Variants in TMED2 observed in about 807,000 individuals in gnomAD.
TMED2 encodes transmembrane emp24 domain-containing protein 2.
TMED2 carries 3 observed loss-of-function variants against 17.5 expected under a neutral mutation model. The ratio of observed to expected loss-of-function variants is 0.17; its 90% confidence interval spans 0.08 to 0.44. The LOEUF is 0.44. Among genes scored for constraint, TMED2 ranks in the 20% least tolerant of loss-of-function variants. The pLI, the probability that TMED2 is intolerant of heterozygous loss-of-function variation, is 0.99. For synonymous variants in TMED2, 95 were observed against 91.0 expected (o/e 1.04, Z -0.25); for missense variants, 149 against 254.8 (o/e 0.58, Z 2.83).
chr12:123,593,281 C>T (rs925497564), intron 3 of TMED2, among the ~76,000 whole-genome samples: 2 of 151,478 alleles, frequency 1.3e-5, no homozygotes, highest in African/African-American at 4.9e-5. Flanking sequence ...TAGACGGAGT[C>T]TTGCTCTGTT....
At chr12:123,591,779 T>TG (rs1953394479) in intron 3 of TMED2, among the ~76,000 whole-genome samples, 2 of 150,944 alleles carry the variant, frequency 1.3e-5, no homozygotes, top group South Asian at 4.2e-4. Flanking sequence ...AGACTCTGTC[T>TG]GAAAAAAAAA....
intron 3 of TMED2, among the ~76,000 whole-genome samples, chr12:123,590,855 G>A (rs559078501): frequency 6.6e-6 from 1 of 152,000 alleles, no homozygotes; most frequent in East Asian, 1.9e-4. Context: ...GTGGTGGCGT[G>A]CACCTATAGT....
rs759585256 is a variant in TMED2 at position 123,596,821 on chromosome 12, C to G, written c.*92C>G. ...TCATTAGTTTCTCCATTTTTATTTTCTGAACTGTACATTCACAACTTATGT... is the reference window on the plus strand; with the variant it reads ...TCATTAGTTTCTCCATTTTTATTTTGTGAACTGTACATTCACAACTTATGT... On this transcript the variant is annotated 3_prime_UTR_variant, in exon 4 of 4. Coordinates refer to ENST00000262225, the MANE Select transcript of TMED2 (RefSeq NM_006815.4). The G allele has an allele frequency of 7.1e-7, 1 of 1,400,170 alleles. No homozygotes were observed. The highest frequency in any genetic ancestry group is 9.4e-7 in the Non-Finnish European group (1 of 1,060,634). The allele number at this position is 1,400,170 out of a possible 1,614,324, so 86.7% of individuals were successfully genotyped here.
rs553577373 is a variant in TMED2, at chr12:123,590,517, G to A, written c.481+68G>A. The A allele has an allele frequency of 1.2e-4, 162 of 1,317,578 alleles. No individual in the cohort carries two copies. The African/African-American group carries it at 1.4e-3, about 12-fold the overall frequency. The allele number at this position is 1,317,578 out of a possible 1,614,324, so 81.6% of individuals were successfully genotyped here. A position where few individuals can be genotyped will look rare whatever the true frequency, so the allele number is the denominator to read the frequency against. ...GGTTGTTTTACTCAACAGCTTGCTCGTATTTTCCTCATTTGGAAACTTTGC... is the reference window on the plus strand; with the variant it reads ...GGTTGTTTTACTCAACAGCTTGCTCATATTTTCCTCATTTGGAAACTTTGC... On this transcript the variant is annotated intron_variant, in intron 3 of 3. Coordinates refer to ENST00000262225, the MANE Select transcript of TMED2 (RefSeq NM_006815.4).
chr12:123,585,029 C>A (rs1177398565), intron 1 of TMED2: 2 of 585,076 alleles, frequency 3.4e-6, no homozygotes, highest in Middle Eastern at 4.7e-4. Context: ...TCCGGGATCC[C>A]TTGGGGGCTC....
chr12:123,594,052 C>G (rs1217596902), intron 3 of TMED2, among the ~76,000 whole-genome samples: 1 of 151,828 alleles, frequency 6.6e-6, no homozygotes, highest in Non-Finnish European at 1.5e-5. Flanking sequence ...AGCAGTCCTC[C>G]TGTCTCAGCC....
chr12:123,587,121 T>G (rs2135659286), intron 2 of TMED2, among the ~76,000 whole-genome samples, 182 bp downstream of exon 2: 1 of 152,268 alleles, frequency 6.6e-6, no homozygotes, highest in South Asian at 2.1e-4. Flanking sequence ...TTGAGGCTAG[T>G]GTTTGTTTTT....
rs71088937 is a variant in TMED2 at position 123,584,564 on chromosome 12, GGGCGGC to G, written c.-51_-46del. On this transcript the variant is annotated 5_prime_UTR_variant, in exon 1 of 4. Coordinates refer to ENST00000262225, the MANE Select transcript of TMED2 (RefSeq NM_006815.4). ...GGCGGCGGTGGCTGAGAAGGCAGCGGGGCGGCGGCGGCGGCGGCGGCGGCGGCTGTG... is the reference window on the plus strand; with the variant it reads ...GGCGGCGGTGGCTGAGAAGGCAGCGGGGCGGCGGCGGCGGCGGCGGCTGTG... 4.3e-3 allele frequency: 5,552 copies of G among 1,293,516 alleles called. 1 individual carries two copies. The highest frequency in any genetic ancestry group is 4.7e-3 in the Non-Finnish European group (4,504 of 953,526). The allele number at this position is 1,293,516 out of a possible 1,614,324, so 80.1% of individuals were successfully genotyped here.
chr12:123,595,245 A>G (rs1454737727), intron 3 of TMED2, among the ~76,000 whole-genome samples: 1 of 152,202 alleles, frequency 6.6e-6, no homozygotes, highest in African/African-American at 2.4e-5. Context: ...GTAAGTAAAT[A>G]AAAAGAATTT....
rs1225982853 is a variant in TMED2 at position 123,598,341 on chromosome 12, G to C, written c.*1612G>C. On this transcript the variant is annotated 3_prime_UTR_variant, in exon 4 of 4. Coordinates refer to ENST00000262225, the MANE Select transcript of TMED2 (RefSeq NM_006815.4). ...GTAGGTTTTCCAGTGTGGCTTCTCTGATGGATCAGTGCTAAAATCTTAAGT... is the reference window on the plus strand; with the variant it reads ...GTAGGTTTTCCAGTGTGGCTTCTCTCATGGATCAGTGCTAAAATCTTAAGT... 1 of 152,164 alleles carries C rather than the reference G, an allele frequency of 6.6e-6. No homozygotes were observed. The highest frequency in any genetic ancestry group is 1.5e-5 in the Non-Finnish European group (1 of 68,044). 9.4% of individuals were successfully genotyped at this position (152,164 alleles called of 1,614,324 possible).
Position 123,598,041 on chromosome 12 carries a change from T to C in TMED2, c.*1312T>C, listed in dbSNP as rs1279422545. 6.6e-6 allele frequency: 1 copy of C among 152,588 alleles called. No homozygotes were observed. The allele number at this position is 152,588 out of a possible 1,614,324, so 9.5% of individuals were successfully genotyped here. A position where few individuals can be genotyped will look rare whatever the true frequency, so the allele number is the denominator to read the frequency against. On this transcript the variant is annotated 3_prime_UTR_variant, in exon 4 of 4. Transcript: ENST00000262225. ...ACTGTTGCATGCCAAGTTTTTTGTG[T>C]GTGTGAAACACTTCAAAACTGATTT...
At chr12:123,595,637 G>A (rs1036526078) in intron 3 of TMED2, among the ~76,000 whole-genome samples, 1 of 152,124 alleles carries the variant, frequency 6.6e-6, no homozygotes, top group Non-Finnish European at 1.5e-5. Flanking sequence ...AATGGTGAGG[G>A]AGAAAGATGG....
At chr12:123,595,629 T>C (rs1368258796) in intron 3 of TMED2, among the ~76,000 whole-genome samples, 6 of 152,198 alleles carry the variant, frequency 3.9e-5, no homozygotes, top group African/African-American at 7.2e-5. Flanking sequence ...GACGTTTCAA[T>C]GGTGAGGGAG....
At position 123,592,001 on chromosome 12, in the gene TMED2, A is replaced by G. The variant is rs181152157; in HGVS notation, c.481+1552A>G. The stretch of plus-strand genomic sequence containing the variant: ...TCCAGATGTGCTTTCTGTTTTTCCT[A>G]CCCTTAAATCTGTTCTTGCTACTTA... On this transcript the variant is annotated intron_variant, in intron 3 of 3. Coordinates refer to ENST00000262225, the MANE Select transcript of TMED2 (RefSeq NM_006815.4). Among the ~76,000 whole-genome samples, 198 of 152,264 alleles carry G rather than the reference A, an allele frequency of 1.3e-3. 1 individual carries two copies. The highest frequency in any genetic ancestry group is 4.4e-3 in the African/African-American group (184 of 41,552).
At chr12:123,588,144 G>T (rs1241780593) in intron 2 of TMED2, among the ~76,000 whole-genome samples, 1 of 151,250 alleles carries the variant, frequency 6.6e-6, no homozygotes, top group Non-Finnish European at 1.5e-5. Context: ...GTTCTTGGTG[G>T]TTCTGGATAA....
At chr12:123,585,212 G>A (rs1320233546) in intron 1 of TMED2, 1 of 181,988 alleles carries the variant, frequency 5.5e-6, no homozygotes, top group South Asian at 1.1e-4. Flanking sequence ...GCCTTCTTTC[G>A]TGTTACGGAT....
rs1003177523 is a variant in TMED2 at position 123,584,559 on chromosome 12, C to T, written c.-78C>T. On this transcript the variant is annotated 5_prime_UTR_variant, in exon 1 of 4. Transcript: ENST00000262225. Reference sequence around the variant, plus strand: ...GCTTAGGCGGCGGTGGCTGAGAAGGCAGCGGGGCGGCGGCGGCGGCGGCGG... The same window carrying T: ...GCTTAGGCGGCGGTGGCTGAGAAGGTAGCGGGGCGGCGGCGGCGGCGGCGG... 821 of 1,445,340 alleles carry T rather than the reference C, an allele frequency of 5.7e-4. 2 individuals are homozygous for T. Among genetic ancestry groups the T allele is most frequent in the East Asian group, 5.5e-3 (219 of 39,896 alleles). The allele number at this position is 1,445,340 out of a possible 1,614,324, so 89.5% of individuals were successfully genotyped here. A position where few individuals can be genotyped will look rare whatever the true frequency, so the allele number is the denominator to read the frequency against.
At chr12:123,586,538 C>CG (rs575284662) in intron 1 of TMED2, 88 of 310,654 alleles carry the variant, frequency 2.8e-4, no homozygotes, top group African/African-American at 1.9e-3. Flanking sequence ...TTAGTAGAGA[C>CG]GGAGTTTTAC....
intron 2 of TMED2, among the ~76,000 whole-genome samples, chr12:123,588,949 C>T (rs923168926): frequency 6.6e-6 from 1 of 152,128 alleles, no homozygotes; most frequent in Non-Finnish European, 1.5e-5. Flanking sequence ...GGTAGAGGCC[C>T]TTGGTTTCTC....
Sources: allele counts gnomAD v4.1 joint callset (sites outside exome capture counted in the v4.1 genomes callset), GRCh38; gene constraint gnomAD v4.1.1; transcripts MANE v1.5; gene names NCBI Gene and HGNC (gene_info 2026-07-23, HGNC 2026-07-21).